The following KYNU variants were observed in gnomAD, a reference collection of about 807,000 sequenced individuals.
The protein encoded by KYNU is L-kynurenine hydrolase.
In KYNU, 54 loss-of-function variants were observed where a neutral mutation model predicts 59.2. The observed-to-expected ratio is 0.91, with a 90% CI of 0.73 to 1.14. The LOEUF is 1.14. KYNU is among the 50% of genes most tolerant of loss of function. The pLI is 0.00. For synonymous variants in KYNU, 177 were observed against 192.0 expected (o/e 0.92, Z 0.65); for missense variants, 567 against 554.4 (o/e 1.02, Z -0.23).
At position 143,054,617 on chromosome 2, in the gene KYNU, G is replaced by T. The variant is rs760194909; in HGVS notation, c.*12445G>T. On this transcript the variant is annotated 3_prime_UTR_variant, in exon 14 of 14. Coordinates refer to ENST00000264170, the MANE Select transcript of KYNU (RefSeq NM_003937.3). Reference sequence around the variant, plus strand: ...AATATGAAGTAGACTGCACCACTCTGCAGTACAGTCAGGAAATAAGAAACC... The same window carrying T: ...AATATGAAGTAGACTGCACCACTCTTCAGTACAGTCAGGAAATAAGAAACC... 6.6e-6 allele frequency: 1 copy of T among 152,160 alleles called. No individual in the cohort carries two copies. Among genetic ancestry groups the T allele is most frequent in the Non-Finnish European group, 1.5e-5 (1 of 68,016 alleles). 9.4% of individuals were successfully genotyped at this position (152,160 alleles called of 1,614,324 possible).
intron 10 of KYNU, chr2:142,989,490 A>G: frequency 1.0e-6 from 1 of 984,976 alleles, no homozygotes; most frequent in Non-Finnish European, 1.2e-6. Flanking sequence ...AAAAAGGGTG[A>G]CATCTAGTGG....
At chr2:142,891,558 A>G (rs1464042954) in intron 2 of KYNU, among the ~76,000 whole-genome samples, 2 of 152,216 alleles carry the variant, frequency 1.3e-5, no homozygotes, top group Non-Finnish European at 2.9e-5. Context: ...ATAATTTTGC[A>G]CATGTAATTG....
At chr2:142,964,684 A>G (rs1218693667) in intron 8 of KYNU, 1 of 152,190 alleles carries the variant, frequency 6.6e-6, no homozygotes, top group African/African-American at 2.4e-5. Flanking sequence ...AAGGAGAGAG[A>G]AAATACAAGA....
At chr2:142,989,623 A>T (rs1269975230) in intron 10 of KYNU, 1 of 434,716 alleles carries the variant, frequency 2.3e-6, no homozygotes, top group Non-Finnish European at 3.1e-6. Flanking sequence ...CTTTTTGACA[A>T]TTTGACTATA....
intron 4 of KYNU, among the ~76,000 whole-genome samples, chr2:142,943,149 C>T (rs1381155674): frequency 6.6e-6 from 1 of 152,168 alleles, no homozygotes; most frequent in African/African-American, 2.4e-5. Flanking sequence ...AGACAGTTAA[C>T]AACTGCCTGA....
At position 142,987,925 on chromosome 2, in the gene KYNU, C is replaced by T. The variant is rs752377753; in HGVS notation, c.902+1904C>T. Among the ~76,000 whole-genome samples, 202 of 151,804 alleles carry T rather than the reference C, an allele frequency of 1.3e-3. 4 individuals carry two copies. Among genetic ancestry groups the T allele is most frequent in the Non-Finnish European group, 1.7e-3 (113 of 67,870 alleles). ...GCACCTTCTCCTTCTCTCTCTTCCT[C>T]CTGCTCTGGCCATGAAAGATGTTCC... On this transcript the variant is annotated intron_variant, in intron 10 of 13. Coordinates refer to ENST00000264170, the MANE Select transcript of KYNU (RefSeq NM_003937.3).
intron 8 of KYNU, among the ~76,000 whole-genome samples, chr2:142,977,782 G>T (rs1684936059): frequency 6.6e-6 from 1 of 152,080 alleles, no homozygotes; most frequent in Non-Finnish European, 1.5e-5. Context: ...TGCAAATAAT[G>T]CTTAGTTCCT....
At position 143,043,084 on chromosome 2, in the gene KYNU, T is replaced by C. The variant is rs969221414; in HGVS notation, c.*912T>C. 6.6e-6 allele frequency: 1 copy of C among 152,038 alleles called. No homozygotes were observed. The highest frequency in any genetic ancestry group is 1.5e-5 in the Non-Finnish European group (1 of 67,940). 9.4% of individuals were successfully genotyped at this position (152,038 alleles called of 1,614,324 possible). A position where few individuals can be genotyped will look rare whatever the true frequency, so the allele number is the denominator to read the frequency against. On this transcript the variant is annotated 3_prime_UTR_variant, in exon 14 of 14. Transcript: ENST00000264170. ...ACTCATGGGCCCTAATTCACACTTT[T>C]TAAGAATGTTTCTTTCTTTAATGTT...
chr2:143,053,591 C>T lies in KYNU; in HGVS notation c.*11419C>T, dbSNP rs1336879235. On this transcript the variant is annotated 3_prime_UTR_variant, in exon 14 of 14. Transcript: ENST00000264170. ...GGGCAGGTCTTTTCTGTGCTGTTCT[C>T]ATGATGGTGAGTAAGTCTCATGAGA... is the stretch of plus-strand genomic sequence containing the variant. The T allele has an allele frequency of 6.6e-6, 1 of 152,126 alleles. No individual in the cohort carries two copies. Among genetic ancestry groups the T allele is most frequent in the Non-Finnish European group, 1.5e-5 (1 of 68,050 alleles). The allele number at this position is 152,126 out of a possible 1,614,324, so 9.4% of individuals were successfully genotyped here. A position where few individuals can be genotyped will look rare whatever the true frequency, so the allele number is the denominator to read the frequency against.
intron 10 of KYNU, among the ~76,000 whole-genome samples, chr2:142,997,342 A>G (rs1685572846): frequency 1.3e-5 from 2 of 152,194 alleles, no homozygotes; most frequent in Non-Finnish European, 2.9e-5. Context: ...TGCTAGGATG[A>G]CAGACATTCT....
chr2:142,960,502 T>G, intron 7 of KYNU, 122 bp from the exon 8 acceptor site: 1 of 781,344 alleles, frequency 1.3e-6, no homozygotes, highest in Non-Finnish European at 2.0e-6. Flanking sequence ...TAAAGAACCT[T>G]AATCTGAAAA....
intron 8 of KYNU, among the ~76,000 whole-genome samples, chr2:142,980,239 C>G (rs1051835141): frequency 6.6e-6 from 1 of 152,052 alleles, no homozygotes; most frequent in East Asian, 1.9e-4. Flanking sequence ...TTATAATGAG[C>G]TTATAATGCT....
chr2:142,937,176 T>C (rs1683419282), intron 4 of KYNU, among the ~76,000 whole-genome samples: 1 of 152,198 alleles, frequency 6.6e-6, no homozygotes, highest in African/African-American at 2.4e-5. Context: ...CTCTTCCTGC[T>C]TCTGCTATTT....
chr2:142,978,530 C>T (rs937147827), intron 8 of KYNU, among the ~76,000 whole-genome samples: 1 of 152,112 alleles, frequency 6.6e-6, no homozygotes, highest in Non-Finnish European at 1.5e-5. Context: ...CTGGAATTCA[C>T]CTACCATAAT....
At chr2:142,885,849 A>G (rs1179479738) in intron 2 of KYNU, among the ~76,000 whole-genome samples, 1 of 152,230 alleles carries the variant, frequency 6.6e-6, no homozygotes, top group Non-Finnish European at 1.5e-5. Flanking sequence ...AGCACTTGGG[A>G]TTCAAAGCAA....
At position 142,910,131 on chromosome 2, in the gene KYNU, CTTTTTTTT is replaced by C. The variant is rs368644903; in HGVS notation, c.170-8466_170-8459del. Reference sequence around the variant, plus strand: ...AGAAGTGTCTATTCATGTTCTTTGCCTTTTTTTTTTTTTTTTTTTCTTTGAGACAGAGT... The same window carrying C: ...AGAAGTGTCTATTCATGTTCTTTGCCTTTTTTTTTTTCTTTGAGACAGAGT... On this transcript the variant is annotated intron_variant, in intron 2 of 13. Coordinates refer to ENST00000264170, the MANE Select transcript of KYNU (RefSeq NM_003937.3). Among the ~76,000 whole-genome samples the C allele has an allele frequency of 3.4e-3, 361 of 105,482 alleles. 3 individuals carry two copies. The highest frequency in any genetic ancestry group is 0.013 in the African/African-American group (346 of 26,918). The allele number at this position is 105,482 out of a possible 152,430, so 69.2% of individuals were successfully genotyped here.
chr2:142,901,108 G>T (rs1187053027), intron 2 of KYNU, among the ~76,000 whole-genome samples: 1 of 151,964 alleles, frequency 6.6e-6, no homozygotes, highest in East Asian at 1.9e-4. Context: ...CAGTGCAGGG[G>T]GTTATTTTTT....
At chr2:142,958,095 C>T (rs1305243265) in intron 7 of KYNU, 4 of 237,148 alleles carry the variant, frequency 1.7e-5, no homozygotes, top group African/African-American at 7.0e-5. Context: ...AAAATGGAAT[C>T]GTGACTATAT....
At chr2:142,884,688 C>CTT (rs70997529) in intron 1 of KYNU, among the ~76,000 whole-genome samples, 70 of 77,026 alleles carry the variant, frequency 9.1e-4, no homozygotes, top group Admixed American at 1.5e-3. Flanking sequence ...TTCTCTTTTC[C>CTT]TTTTTTTTTT....
Sources: gnomAD v4.1 joint callset for allele counts (sites outside exome capture counted in the v4.1 genomes callset) on GRCh38, gnomAD v4.1.1 for gene constraint, MANE v1.5 for transcripts, NCBI Gene and HGNC (gene_info 2026-07-23, HGNC 2026-07-21) for gene names.